Variants in SLC44A5 observed in about 807,000 individuals in gnomAD.
SLC44A5 encodes choline transporter-like protein 5.
A neutral mutation model predicts 101.8 loss-of-function variants in SLC44A5; 57 were observed. That is an observed-to-expected ratio of 0.56 (90% confidence interval 0.45 to 0.70). The LOEUF is 0.70. SLC44A5 is among the 30% of genes least tolerant of loss of function. The pLI is 0.00. For synonymous variants in SLC44A5, 281 were observed against 290.9 expected (o/e 0.97, Z 0.35); for missense variants, 737 against 853.1 (o/e 0.86, Z 1.70).
chr1:75,590,599 A>G lies in SLC44A5; in HGVS notation c.-70+20441T>C, dbSNP rs557576047. Among the ~76,000 whole-genome samples, 266 of 152,278 alleles carry G rather than the reference A, an allele frequency of 1.7e-3. 1 individual carries two copies. The highest frequency in any genetic ancestry group is 3.7e-3 in the Admixed American group (57 of 15,296). ...CCTGAGGGGAGTCTAGTCTCAGGCTAAACAGCATTCACACAAGCTGACTTA... is the reference window on the plus strand; with the variant it reads ...CCTGAGGGGAGTCTAGTCTCAGGCTGAACAGCATTCACACAAGCTGACTTA... On this transcript the variant is annotated intron_variant, in intron 1 of 23. Transcript: ENST00000370859.
chr1:75,364,111 A>G (rs1417412431), intron 3 of SLC44A5, among the ~76,000 whole-genome samples: 3 of 152,104 alleles, frequency 2.0e-5, no homozygotes, highest in African/African-American at 7.2e-5. Context: ...TTGATTTTTG[A>G]AGATTTTATT....
At chr1:75,347,272 C>T (rs1427030117) in intron 3 of SLC44A5, among the ~76,000 whole-genome samples, 4 of 152,110 alleles carry the variant, frequency 2.6e-5, no homozygotes, top group Non-Finnish European at 4.4e-5. Flanking sequence ...AATTAAACTG[C>T]TTATCAACTC....
At chr1:75,488,591 A>G (rs1668277803) in intron 2 of SLC44A5, among the ~76,000 whole-genome samples, 1 of 152,230 alleles carries the variant, frequency 6.6e-6, no homozygotes, top group Admixed American at 6.5e-5. Flanking sequence ...TTTTCAAAAA[A>G]TCAACTGCCA....
At chr1:75,369,488 T>A (rs940195882) in intron 3 of SLC44A5, among the ~76,000 whole-genome samples, 3 of 152,142 alleles carry the variant, frequency 2.0e-5, no homozygotes, top group African/African-American at 7.2e-5. Flanking sequence ...TTCAGTGCAA[T>A]GACAAAATTG....
At chr1:75,521,390 TA>T (rs112336279) in intron 2 of SLC44A5, among the ~76,000 whole-genome samples, 2,545 of 152,138 alleles carry the variant, frequency 0.017, 68 homozygotes, top group African/African-American at 0.058. Flanking sequence ...CTTAATTCTA[TA>T]AAAAAAATCA....
At chr1:75,296,042 A>C (rs1653933873) in intron 5 of SLC44A5, among the ~76,000 whole-genome samples, 1 of 152,222 alleles carries the variant, frequency 6.6e-6, no homozygotes, top group Non-Finnish European at 1.5e-5. Flanking sequence ...ATTAAGGCTG[A>C]ATATGAAAAT....
intron 1 of SLC44A5, among the ~76,000 whole-genome samples, chr1:75,546,747 G>C (rs1351027052): frequency 6.6e-6 from 1 of 151,948 alleles, no homozygotes; most frequent in Non-Finnish European, 1.5e-5. Flanking sequence ...ATCAGTCCTC[G>C]AAAATGTCTA....
chr1:75,587,710 A>T (rs755228911), intron 1 of SLC44A5, among the ~76,000 whole-genome samples: 7 of 152,238 alleles, frequency 4.6e-5, no homozygotes, highest in Non-Finnish European at 1.0e-4. Context: ...TTTTGCAATA[A>T]AGCCTGATTG....
At chr1:75,711,971 T>C in the SLC44A5 span, among the ~76,000 whole-genome samples, 1 of 152,344 alleles carries the variant, frequency 6.6e-6, no homozygotes, top group East Asian at 1.9e-4. Context: ...GTCCTCTCAC[T>C]CTAGTTCTGG....
intron 16 of SLC44A5, 66 bp from the exon 17 acceptor site, chr1:75,218,818 T>C (rs1055595977): frequency 1.4e-6 from 2 of 1,452,648 alleles, no homozygotes; most frequent in African/African-American, 2.8e-5. Context: ...CAACTCCCTG[T>C]GTTTTCCTCT....
intron 7 of SLC44A5, 103 bp from the exon 8 acceptor site, chr1:75,243,114 C>T: frequency 2.3e-6 from 3 of 1,313,766 alleles, no homozygotes; most frequent in Non-Finnish European, 3.1e-6. Flanking sequence ...AAAAGCAATG[C>T]ACTGTTTTCC....
chr1:75,575,732 C>T (rs902033278), intron 1 of SLC44A5, among the ~76,000 whole-genome samples: 1 of 152,150 alleles, frequency 6.6e-6, no homozygotes, highest in Non-Finnish European at 1.5e-5. Flanking sequence ...CCCAAAAAAT[C>T]TGAGCTGACC....
chr1:75,634,136 A>C, the SLC44A5 span, among the ~76,000 whole-genome samples: 1 of 152,108 alleles, frequency 6.6e-6, no homozygotes, highest in African/African-American at 2.4e-5. Flanking sequence ...TATTTTATGG[A>C]GTATTTTTGC....
the SLC44A5 span, among the ~76,000 whole-genome samples, chr1:75,672,766 C>T: frequency 1.3e-5 from 2 of 152,086 alleles, no homozygotes; most frequent in Non-Finnish European, 2.9e-5. Context: ...CCACCTCAGC[C>T]GCAGTAGAAT....
intron 5 of SLC44A5, among the ~76,000 whole-genome samples, chr1:75,295,813 C>T (rs1253053569): frequency 6.6e-6 from 1 of 152,144 alleles, no homozygotes; most frequent in African/African-American, 2.4e-5. Flanking sequence ...CACCTAGGAA[C>T]TGGAAATCAG....
At chr1:75,518,535 T>G (rs963206812) in intron 2 of SLC44A5, among the ~76,000 whole-genome samples, 1 of 152,152 alleles carries the variant, frequency 6.6e-6, no homozygotes, top group East Asian at 1.9e-4. Context: ...GAGTACTCAA[T>G]AGATGTTGCT....
At chr1:75,387,978 A>G (rs1299050976) in intron 3 of SLC44A5, among the ~76,000 whole-genome samples, 23 of 147,288 alleles carry the variant, frequency 1.6e-4, no homozygotes, top group Admixed American at 4.1e-4. Flanking sequence ...ACCAAACACC[A>G]CATATTCTCA....
chr1:75,549,420 G>A (rs571343192), intron 1 of SLC44A5, among the ~76,000 whole-genome samples: 19 of 152,086 alleles, frequency 1.2e-4, no homozygotes, highest in Admixed American at 3.3e-4. Context: ...ATTCTCCACC[G>A]CCCCACTCTT....
intron 23 of SLC44A5, among the ~76,000 whole-genome samples, chr1:75,207,301 T>C (rs927482849): frequency 2.6e-5 from 4 of 152,192 alleles, no homozygotes; most frequent in African/African-American, 9.6e-5. Flanking sequence ...TAAGGCACCC[T>C]GTCCTAAATT....
Sources: gnomAD v4.1 joint callset for allele counts (sites outside exome capture counted in the v4.1 genomes callset) on GRCh38, gnomAD v4.1.1 for gene constraint, MANE v1.5 for transcripts, NCBI Gene and HGNC (gene_info 2026-07-23, HGNC 2026-07-21) for gene names.